Variants in MAP2 observed in about 807,000 individuals in gnomAD.
MAP2 encodes microtubule-associated protein 2.
A neutral mutation model predicts 137.6 loss-of-function variants in MAP2; 14 were observed. The observed-to-expected ratio is 0.10, with a 90% CI of 0.07 to 0.16. MAP2 has a LOEUF of 0.16. Among genes scored for constraint, MAP2 ranks in the 10% least tolerant of loss-of-function variants. The pLI, the probability that MAP2 is intolerant of heterozygous loss-of-function variation, is 1.00. For missense variants in MAP2, 2,088 were observed against 2,191.5 expected, an observed-to-expected ratio of 0.95 and a Z score of 0.94; for synonymous variants, 786 against 782.3, an observed-to-expected ratio of 1.00 and a Z score of -0.08.
chr2:209,649,180 TA>T (rs1030638444), intron 4 of MAP2, among the ~76,000 whole-genome samples: 28 of 148,270 alleles, frequency 1.9e-4, no homozygotes, highest in South Asian at 6.4e-4. Context: ...CCCAGCTAAT[TA>T]AAAAAAAATT....
intron 2 of MAP2, among the ~76,000 whole-genome samples, chr2:209,564,776 C>A (rs1234640326): frequency 6.6e-6 from 1 of 152,024 alleles, no homozygotes; most frequent in Non-Finnish European, 1.5e-5. Flanking sequence ...TCATGCAAAT[C>A]TTTTTTCATG....
intron 3 of MAP2, among the ~76,000 whole-genome samples, chr2:209,594,535 C>A (rs1322863852): frequency 1.3e-5 from 2 of 152,074 alleles, no homozygotes; most frequent in African/African-American, 2.4e-5. Context: ...CTCTTTCTGT[C>A]TCAGCCCGTC....
rs774353080 is a variant in MAP2 at position 209,695,708 on chromosome 2, T to G, written c.3538T>G (p.Ser1180Ala). 1 of 1,614,124 alleles carries G rather than the reference T, an allele frequency of 6.2e-7. No individual in the cohort carries two copies. Among genetic ancestry groups the G allele is most frequent in the South Asian group, 1.1e-5 (1 of 91,080 alleles). ...GGAAATACCTTGCCCACCTGCTGTT[T>G]CAGAGGCTGATTTAGCCACAGATGA... ...SVEIPCPPAV[S>A]EADLATDERA... Residue 1180 changes from serine (S) to alanine (A), a missense_variant, in exon 8 of 16, where the codon TCA becomes GCA. By Grantham distance (99) the Ser-to-Ala change is moderately conservative. This residue lies in a region of MAP2 where 591 missense variants were observed against 642.6 expected (regional missense o/e 0.92). Transcript: ENST00000682079.
chr2:209,628,932 A>G (rs895362522), intron 4 of MAP2, among the ~76,000 whole-genome samples: 1 of 152,320 alleles, frequency 6.6e-6, no homozygotes, highest in African/African-American at 2.4e-5. Flanking sequence ...TTAATGCAGA[A>G]CAGTGATAGT....
chr2:209,498,130 G>C (rs570607251), intron 1 of MAP2, among the ~76,000 whole-genome samples: 1 of 152,332 alleles, frequency 6.6e-6, no homozygotes, highest in South Asian at 2.1e-4. Flanking sequence ...TAGGCACTGG[G>C]TAAACATTGA....
intron 1 of MAP2, among the ~76,000 whole-genome samples, chr2:209,457,327 A>G (rs1343529213): frequency 6.6e-6 from 1 of 152,148 alleles, no homozygotes; most frequent in Non-Finnish European, 1.5e-5. Flanking sequence ...CCTAGTCTGG[A>G]GAGGTACTTG....
chr2:209,546,580 C>T (rs1559304281), intron 2 of MAP2, among the ~76,000 whole-genome samples: 1 of 152,088 alleles, frequency 6.6e-6, no homozygotes, highest in Non-Finnish European at 1.5e-5. Flanking sequence ...TAAGCTAGTG[C>T]ATATCAAAAA....
At chr2:209,500,026 G>A (rs941783684) in intron 1 of MAP2, among the ~76,000 whole-genome samples, 1 of 152,144 alleles carries the variant, frequency 6.6e-6, no homozygotes, top group African/African-American at 2.4e-5. Context: ...TGCAATAGTT[G>A]TAACACTCTC....
intron 4 of MAP2, among the ~76,000 whole-genome samples, chr2:209,643,582 T>C (rs2094192139): frequency 6.6e-6 from 1 of 152,242 alleles, no homozygotes; most frequent in Non-Finnish European, 1.5e-5. Flanking sequence ...TTTAATCAAG[T>C]GTACTTCTAT....
At chr2:209,677,386 T>TTAGATAGA (rs756741030) in intron 5 of MAP2, among the ~76,000 whole-genome samples, 1 of 149,228 alleles carries the variant, frequency 6.7e-6, no homozygotes, top group East Asian at 2.0e-4. Flanking sequence ...AGATGATAGA[T>TTAGATAGA]TAGATAGATA....
At chr2:209,633,379 T>C (rs930151190) in intron 4 of MAP2, among the ~76,000 whole-genome samples, 2 of 152,162 alleles carry the variant, frequency 1.3e-5, no homozygotes, top group East Asian at 1.9e-4. Context: ...AAAAATCATC[T>C]TGGCGTGTCA....
At chr2:209,705,526 G>C in intron 11 of MAP2, 54 bp from the exon 12 acceptor site, 2 of 1,465,278 alleles carry the variant, frequency 1.4e-6, no homozygotes, top group Non-Finnish European at 1.8e-6. Flanking sequence ...ATATCACTTC[G>C]TATAAATTAA....
chr2:209,650,007 T>C (rs2094676384), intron 4 of MAP2, among the ~76,000 whole-genome samples: 1 of 152,228 alleles, frequency 6.6e-6, no homozygotes, highest in African/African-American at 2.4e-5. Flanking sequence ...TATTTTTAAA[T>C]GGATGATTAC....
chr2:209,649,705 A>G (rs1046500783), intron 4 of MAP2, among the ~76,000 whole-genome samples: 2 of 152,212 alleles, frequency 1.3e-5, no homozygotes, highest in African/African-American at 4.8e-5. Flanking sequence ...TGGTTAGACT[A>G]TCTTCTTTCA....
intron 14 of MAP2, among the ~76,000 whole-genome samples, chr2:209,729,582 TTCTTAGG>T (rs2075333320): frequency 6.6e-6 from 1 of 152,184 alleles, no homozygotes; most frequent in Non-Finnish European, 1.5e-5. Flanking sequence ...CCCCTCTGAT[TTCTTAGG>T]TTAGACATGG....
chr2:209,498,191 C>A (rs1385702398), intron 1 of MAP2, among the ~76,000 whole-genome samples: 2 of 152,230 alleles, frequency 1.3e-5, no homozygotes, highest in Admixed American at 6.5e-5. Flanking sequence ...AGGCCCCATG[C>A]AAGTTCAAAA....
rs146432517 is a variant in MAP2, at chr2:209,694,284, C to T, written c.2114C>T (p.Pro705Leu). The change falls in exon 8 of 16, where the codon CCG becomes CTG. Residue 705 changes from proline (P) to leucine (L), a missense_variant. Pro to Leu is a moderately conservative substitution (Grantham distance 98, BLOSUM62 -3). Transcript: ENST00000682079. ...IEQRSMSINL[P>L]MSCLDSIALG... The stretch of plus-strand genomic sequence containing the variant: ...CAAAGAAGCATGTCAATCAATTTGC[C>T]GATGTCTTGCCTAGATTCCATAGCC... The T allele has an allele frequency of 6.2e-7, 1 of 1,614,054 alleles. No individual in the cohort carries two copies. The highest frequency in any genetic ancestry group is 8.5e-7 in the Non-Finnish European group (1 of 1,179,994).
chr2:209,586,934 G>A (rs1380191855), intron 3 of MAP2, among the ~76,000 whole-genome samples: 1 of 152,132 alleles, frequency 6.6e-6, no homozygotes, highest in Non-Finnish European at 1.5e-5. Flanking sequence ...GATGGAAAGA[G>A]CAAATTGCCT....
Position 209,629,833 on chromosome 2 carries a change from CAAT to C in MAP2, c.-30+4707_-30+4709del, listed in dbSNP as rs1438930332. On this transcript the variant is annotated intron_variant, in intron 4 of 15. Transcript: ENST00000682079. The stretch of plus-strand genomic sequence containing the variant: ...CATACTCTGGCAGGAGTTAAAATAA[CAAT>C]AACAGCCCTCCTACTTAACAGGCTG... Among the ~76,000 whole-genome samples the C allele has an allele frequency of 2.0e-5, 3 of 152,258 alleles. No individual in the cohort carries two copies. The South Asian group carries it at 6.2e-4, about 32-fold the overall frequency.
Sources: allele counts gnomAD v4.1 joint callset (sites outside exome capture counted in the v4.1 genomes callset), GRCh38; gene constraint gnomAD v4.1.1; regional missense constraint gnomAD v4.1.1; transcripts MANE v1.5; gene names NCBI Gene and HGNC (gene_info 2026-07-23, HGNC 2026-07-21).